The following HHLA2 variants were observed in gnomAD, a reference collection of about 807,000 sequenced individuals.
The protein encoded by HHLA2 is HERV-H LTR-associating protein 2.
HHLA2 carries 48 observed loss-of-function variants against 45.9 expected under a neutral mutation model. The ratio of observed to expected loss-of-function variants is 1.05; its 90% CI spans 0.83 to 1.33. HHLA2 has a LOEUF of 1.33. Ranked by LOEUF, HHLA2 falls within the 40% of genes most tolerant of loss-of-function variation. The pLI is 0.00. For synonymous variants in HHLA2, 161 were observed against 173.9 expected (o/e 0.93, Z 0.59); for missense variants, 462 against 494.3 (o/e 0.93, Z 0.62).
At chr3:108,370,091 C>T (rs978035652) in intron 8 of HHLA2, among the ~76,000 whole-genome samples, 10 of 152,280 alleles carry the variant, frequency 6.6e-5, no homozygotes, top group South Asian at 2.1e-4. Context: ...CTCACACGGC[C>T]GGGTACTCCT....
intron 2 of HHLA2, among the ~76,000 whole-genome samples, chr3:108,321,857 T>A (rs1342293923): frequency 6.6e-6 from 1 of 152,198 alleles, no homozygotes; most frequent in Non-Finnish European, 1.5e-5. Context: ...CTCTACTTTA[T>A]TTTCTAACCC....
intron 2 of HHLA2, among the ~76,000 whole-genome samples, chr3:108,320,697 G>C (rs1176220168): frequency 6.6e-6 from 1 of 152,124 alleles, no homozygotes; most frequent in Non-Finnish European, 1.5e-5. Flanking sequence ...TGTGAGGAGG[G>C]TATGGTCACC....
chr3:108,337,619 C>A (rs1420461841), intron 3 of HHLA2, among the ~76,000 whole-genome samples: 2 of 152,158 alleles, frequency 1.3e-5, no homozygotes, highest in African/African-American at 4.8e-5. Context: ...TCATGGCCAA[C>A]TTTCCCAAGA....
At chr3:108,376,496 G>T in exon 10 of HHLA2, 1 of 1,598,938 alleles carries the variant, frequency 6.3e-7, no homozygotes, top group African/African-American at 1.4e-5. Context: ...CCTGTAGAAA[G>T]ATGTTGTGTC....
At position 108,316,607 on chromosome 3, in the gene HHLA2, A is replaced by G. The variant is rs752034046; in HGVS notation, c.-105+5866A>G. Among the ~76,000 whole-genome samples, 3 of 152,176 alleles carry G rather than the reference A, an allele frequency of 2.0e-5. No homozygotes were observed. The South Asian group carries it at 6.2e-4, about 32-fold the overall frequency. On this transcript the variant is annotated intron_variant, in intron 2 of 10. Transcript: ENST00000619531. ...TGTACCTTGGAAGAGAAGGGCCCAG[A>G]GGATGCTGGAAAGGGAGACAGTTAC...
At chr3:108,332,258 C>T (rs531630779) in intron 3 of HHLA2, among the ~76,000 whole-genome samples, 12 of 152,178 alleles carry the variant, frequency 7.9e-5, no homozygotes, top group African/African-American at 2.6e-4. Flanking sequence ...TACCTCCAGG[C>T]GGTGGGACTA....
chr3:108,318,241 T>C (rs2081137491), intron 2 of HHLA2, among the ~76,000 whole-genome samples: 1 of 152,108 alleles, frequency 6.6e-6, no homozygotes, highest in Non-Finnish European at 1.5e-5. Flanking sequence ...ATTTGGTCCT[T>C]ATGGAGCAAT....
chr3:108,372,029 T>C (rs527885325), intron 8 of HHLA2, among the ~76,000 whole-genome samples: 1 of 152,308 alleles, frequency 6.6e-6, no homozygotes, highest in East Asian at 1.9e-4. Context: ...ATACATTCTT[T>C]TCAGCACCAC....
At chr3:108,326,114 T>C in intron 2 of HHLA2, 1 of 252,180 alleles carries the variant, frequency 4.0e-6, no homozygotes. Context: ...TCGGTGTCTT[T>C]TTTTTAATGC....
chr3:108,348,317 G>T (rs552280640), intron 3 of HHLA2, among the ~76,000 whole-genome samples: 5 of 152,124 alleles, frequency 3.3e-5, no homozygotes, highest in Non-Finnish European at 7.4e-5. Flanking sequence ...ATGCTGCTAC[G>T]AGGTTGAGTT....
At chr3:108,299,686 T>G (rs1348723224) in intron 1 of HHLA2, among the ~76,000 whole-genome samples, 1 of 152,112 alleles carries the variant, frequency 6.6e-6, no homozygotes, top group Non-Finnish European at 1.5e-5. Context: ...GGAAGGGACA[T>G]AGAAAACTCA....
At chr3:108,297,347 A>G (rs1468327228) in intron 1 of HHLA2, among the ~76,000 whole-genome samples, 1 of 152,194 alleles carries the variant, frequency 6.6e-6, no homozygotes, top group Non-Finnish European at 1.5e-5. Flanking sequence ...CAGAATGGCA[A>G]ATTGGTGTCA....
intron 2 of HHLA2, among the ~76,000 whole-genome samples, chr3:108,321,293 C>T (rs1206084175): frequency 1.3e-5 from 2 of 152,166 alleles, no homozygotes; most frequent in East Asian, 3.9e-4. Context: ...ACGTTGTCGT[C>T]TTTATTGGTT....
At chr3:108,335,865 C>T (rs2081463651) in intron 3 of HHLA2, among the ~76,000 whole-genome samples, 1 of 152,030 alleles carries the variant, frequency 6.6e-6, no homozygotes, top group East Asian at 1.9e-4. Flanking sequence ...CAAAGCAGAC[C>T]ATGCTAATAC....
chr3:108,346,937 T>C (rs2081671376), intron 3 of HHLA2, among the ~76,000 whole-genome samples: 1 of 152,190 alleles, frequency 6.6e-6, no homozygotes, highest in Non-Finnish European at 1.5e-5. Context: ...TGATTAGTCT[T>C]AGCATATGGA....
intron 2 of HHLA2, among the ~76,000 whole-genome samples, chr3:108,312,586 A>C (rs2081038224): frequency 6.6e-6 from 1 of 152,208 alleles, no homozygotes; most frequent in Non-Finnish European, 1.5e-5. Flanking sequence ...ATGCCCAATG[A>C]CAGGCTGATT....
intron 2 of HHLA2, among the ~76,000 whole-genome samples, chr3:108,327,609 C>T (rs535715721): frequency 6.6e-6 from 1 of 152,274 alleles, no homozygotes; most frequent in South Asian, 2.1e-4. Context: ...GCTAATTTCA[C>T]TTATTTCCCA....
intron 1 of HHLA2, among the ~76,000 whole-genome samples, chr3:108,298,817 C>T (rs1247957558): frequency 3.3e-5 from 5 of 152,178 alleles, no homozygotes; most frequent in Non-Finnish European, 7.4e-5. Context: ...TGTCATTGCA[C>T]ATTGCTGCTT....
chr3:108,374,484 C>T (rs2082237696), intron 8 of HHLA2, among the ~76,000 whole-genome samples: 1 of 149,442 alleles, frequency 6.7e-6, no homozygotes, highest in Non-Finnish European at 1.5e-5. Context: ...CAAATGGGAT[C>T]TAATTAAACT....
Sources: gnomAD v4.1 joint callset for allele counts (sites outside exome capture counted in the v4.1 genomes callset) on GRCh38, gnomAD v4.1.1 for gene constraint, MANE v1.5 for transcripts, NCBI Gene and HGNC (gene_info 2026-07-23, HGNC 2026-07-21) for gene names.